The following RPRD2 variants were observed in gnomAD, a reference collection of about 807,000 sequenced individuals.
RPRD2 encodes the protein regulation of nuclear pre-mRNA domain-containing protein 2.
RPRD2 carries 12 observed loss-of-function variants against 104.4 expected under a neutral mutation model. The ratio of observed to expected loss-of-function variants is 0.11; its 90% CI spans 0.07 to 0.19. The LOEUF (loss-of-function observed/expected upper bound fraction) is 0.19, where lower values mean the gene tolerates loss of function less well. RPRD2 is among the 10% of genes least tolerant of loss of function. RPRD2 has a pLI of 1.00. For missense variants in RPRD2, 1,543 were observed against 1,790.1 expected (o/e 0.86, Z 2.49); for synonymous variants, 714 against 684.9 (o/e 1.04, Z -0.66).
chr1:150,408,385 C>T (rs2102244416), intron 1 of RPRD2, among the ~76,000 whole-genome samples: 1 of 152,086 alleles, frequency 6.6e-6, no homozygotes, highest in East Asian at 1.9e-4. Context: ...AACTCCTGAC[C>T]TCAGGTGATC....
chr1:150,461,357 A>G (rs1246466612), intron 9 of RPRD2, among the ~76,000 whole-genome samples: 2 of 152,340 alleles, frequency 1.3e-5, no homozygotes, highest in African/African-American at 4.8e-5. Flanking sequence ...TTAAATATGT[A>G]TAACAATTTT....
At chr1:150,417,920 C>CTCTCTT (rs1451493280) in intron 2 of RPRD2, among the ~76,000 whole-genome samples, 195 bp downstream of exon 2, 2 of 141,634 alleles carry the variant, frequency 1.4e-5, no homozygotes, top group African/African-American at 5.0e-5. Flanking sequence ...TTCTCTCTCT[C>CTCTCTT]TCTTTCTTTC....
chr1:150,365,038 G>A (rs1164513802), intron 1 of RPRD2, 119 bp downstream of exon 1: 2 of 1,000,172 alleles, frequency 2.0e-6, no homozygotes, highest in Non-Finnish European at 2.9e-6. Flanking sequence ...TCACATTAAA[G>A]GTTTGACCCC....
chr1:150,447,280 C>A (rs184262148), intron 7 of RPRD2, among the ~76,000 whole-genome samples: 1 of 151,244 alleles, frequency 6.6e-6, no homozygotes, highest in Non-Finnish European at 1.5e-5. Flanking sequence ...AACCAGAAAA[C>A]TGGATGGAAA....
rs189142910 is a variant in RPRD2 at position 150,462,445 on chromosome 1, C to T, written c.1412-2082C>T. 5.3e-4 allele frequency among the ~76,000 whole-genome samples: 63 copies of T among 118,402 alleles called. 1 individual carries two copies. The East Asian group carries it at 0.014, about 27-fold the overall frequency. 77.7% of individuals were successfully genotyped at this position (118,402 alleles called of 152,430 possible). ...GGTTGACAGAGCGAGACTCTTGTCT[C>T]AAAAAAAAACAAAAAACAAAAAAAA... On this transcript the variant is annotated intron_variant, in intron 9 of 10. Transcript: ENST00000369068.
chr1:150,430,705 G>C (rs917005055), intron 2 of RPRD2, among the ~76,000 whole-genome samples: 3 of 152,176 alleles, frequency 2.0e-5, no homozygotes, highest in African/African-American at 7.2e-5. Flanking sequence ...TGGGGCAGGC[G>C]GATCACCTGA....
chr1:150,446,850 T>TTTTTG (rs1339469879), intron 7 of RPRD2, among the ~76,000 whole-genome samples: 1 of 150,852 alleles, frequency 6.6e-6, no homozygotes. Flanking sequence ...TTTTTTTTTT[T>TTTTTG]GGAACGGAGT....
At chr1:150,446,176 T>A (rs1553895443) in intron 6 of RPRD2, 50 bp from the exon 7 acceptor site, 1 of 1,355,936 alleles carries the variant, frequency 7.4e-7, no homozygotes, top group East Asian at 2.5e-5. Context: ...AGACTAAATT[T>A]TTTTATTTTT....
rs1195147620 is a variant in RPRD2, at chr1:150,473,574, AAAAAAGT to A, written c.*244_*250del. 57 of 239,966 alleles carry A rather than the reference AAAAAAGT, an allele frequency of 2.4e-4. No homozygotes were observed. Among genetic ancestry groups the A allele is most frequent in the Non-Finnish European group, 4.1e-4 (50 of 120,644 alleles). The allele number at this position is 239,966 out of a possible 1,614,324, so 14.9% of individuals were successfully genotyped here. On this transcript the variant is annotated 3_prime_UTR_variant, in exon 11 of 11. Transcript: ENST00000369068. ...TTTGTATTAAAAAAAAAAAAAAAAA[AAAAAAGT>A]AAAGAAACACAACCAAAGCCATTTC...
At chr1:150,458,735 G>A (rs1035229678) in intron 8 of RPRD2, among the ~76,000 whole-genome samples, 3 of 151,990 alleles carry the variant, frequency 2.0e-5, no homozygotes, top group African/African-American at 4.8e-5. Flanking sequence ...CATCTCCTGC[G>A]TTCAAACAAT....
intron 1 of RPRD2, among the ~76,000 whole-genome samples, chr1:150,376,758 C>A (rs1196337874): frequency 6.6e-6 from 1 of 151,610 alleles, no homozygotes; most frequent in Non-Finnish European, 1.5e-5. Context: ...CCTTGGCCTC[C>A]CAAAGTGCTG....
intron 1 of RPRD2, among the ~76,000 whole-genome samples, chr1:150,394,502 A>T (rs1334888474): frequency 6.6e-6 from 1 of 152,228 alleles, no homozygotes; most frequent in East Asian, 1.9e-4. Context: ...AGAGAGATAG[A>T]GCTGATGCGG....
chr1:150,467,059 A>G (rs1448993989), intron 10 of RPRD2, among the ~76,000 whole-genome samples: 1 of 152,172 alleles, frequency 6.6e-6, no homozygotes, highest in East Asian at 1.9e-4. Context: ...AGCCCCAACA[A>G]TAAAGAATTA....
chr1:150,465,567 C>T (rs1021052745), intron 10 of RPRD2, among the ~76,000 whole-genome samples: 1 of 152,142 alleles, frequency 6.6e-6, no homozygotes, highest in Non-Finnish European at 1.5e-5. Flanking sequence ...TGCTTATGGT[C>T]ACATACCTAT....
intron 1 of RPRD2, among the ~76,000 whole-genome samples, chr1:150,392,040 AT>A (rs1662114353): frequency 2.0e-5 from 3 of 151,920 alleles, no homozygotes; most frequent in African/African-American, 7.3e-5. Flanking sequence ...TCTACTAAAA[AT>A]TGAAAAAAAT....
intron 9 of RPRD2, among the ~76,000 whole-genome samples, chr1:150,460,711 A>T (rs1240382410): frequency 7.2e-6 from 1 of 138,176 alleles, no homozygotes; most frequent in Admixed American, 7.5e-5. Flanking sequence ...TCTGTTGTTG[A>T]TTTTTTTTAA....
intron 1 of RPRD2, among the ~76,000 whole-genome samples, chr1:150,381,176 G>A (rs115424189): frequency 0.02 from 3,073 of 151,832 alleles, 132 homozygotes; most frequent in African/African-American, 0.07. Context: ...TAATCCCAGC[G>A]CTATGGTAGG....
At chr1:150,463,762 C>G (rs1476579252) in intron 9 of RPRD2, among the ~76,000 whole-genome samples, 2 of 152,164 alleles carry the variant, frequency 1.3e-5, no homozygotes, top group Non-Finnish European at 2.9e-5. Context: ...CTGAGTTATA[C>G]AACTGCAGTG....
chr1:150,371,748 A>G (rs750231678), intron 1 of RPRD2, among the ~76,000 whole-genome samples: 21 of 152,322 alleles, frequency 1.4e-4, no homozygotes, highest in Admixed American at 2.6e-4. Context: ...AAACCCAGGC[A>G]TTCTTGATCT....
Sources: gnomAD v4.1 joint callset for allele counts (sites outside exome capture counted in the v4.1 genomes callset) on GRCh38, gnomAD v4.1.1 for gene constraint, MANE v1.5 for transcripts, NCBI Gene and HGNC (gene_info 2026-07-23, HGNC 2026-07-21) for gene names.